The following UBXN7 variants were observed in gnomAD, a reference collection of about 807,000 sequenced individuals.
UBXN7 encodes UBX domain-containing protein 7.
Under a neutral mutation model 58.0 loss-of-function variants are expected in UBXN7, and 9 were observed. The ratio of observed to expected loss-of-function variants is 0.16; its 90% CI spans 0.09 to 0.27. The LOEUF is 0.27. UBXN7 is among the 10% of genes least tolerant of loss of function. The pLI is 1.00. For synonymous variants in UBXN7, 208 were observed against 205.0 expected (o/e 1.01, Z -0.12); for missense variants, 328 against 599.6 (o/e 0.55, Z 4.73).
chr3:196,409,281 C>A (rs1319222053), intron 1 of UBXN7, among the ~76,000 whole-genome samples: 1 of 151,994 alleles, frequency 6.6e-6, no homozygotes, highest in Non-Finnish European at 1.5e-5. Context: ...TTTTGGAGAT[C>A]CTTAATTCCT....
intron 3 of UBXN7, chr3:196,400,678 T>G (rs1360103136): frequency 3.1e-6 from 1 of 320,088 alleles, no homozygotes; most frequent in Non-Finnish European, 6.1e-6. Context: ...AGTTTGAGAC[T>G]GCAGTAAGCA....
intron 2 of UBXN7, among the ~76,000 whole-genome samples, chr3:196,404,822 C>G (rs752945461): frequency 6.6e-6 from 1 of 152,080 alleles, no homozygotes; most frequent in Non-Finnish European, 1.5e-5. Flanking sequence ...ACAGACGACA[C>G]ATCTATAAGA....
rs114075185 is a variant in UBXN7 at position 196,361,984 on chromosome 3, A to C, written c.1229-61T>G. On this transcript the variant is annotated intron_variant, in intron 9 of 10. Coordinates refer to ENST00000296328, the MANE Select transcript of UBXN7 (RefSeq NM_015562.2). ...ATACAGGAGTTTAAGACAGAATATT[A>C]GTTTAAATAAATATGTAAATAAATA... The C allele has an allele frequency of 0.015, 21,675 of 1,437,844 alleles. 1,738 individuals carry two copies. The African/African-American group carries it at 0.21, about 14-fold the overall frequency. 89.1% of individuals were successfully genotyped at this position (1,437,844 alleles called of 1,614,324 possible). A position where few individuals can be genotyped will look rare whatever the true frequency, so the allele number is the denominator to read the frequency against.
intron 5 of UBXN7, among the ~76,000 whole-genome samples, chr3:196,386,601 TC>T (rs1168560772): frequency 6.6e-6 from 1 of 152,022 alleles, no homozygotes; most frequent in Non-Finnish European, 1.5e-5. Context: ...ATGAGTGAAC[TC>T]CCATTCACAA....
intron 2 of UBXN7, among the ~76,000 whole-genome samples, chr3:196,406,191 C>A (rs1166515522): frequency 1.3e-5 from 2 of 152,008 alleles, no homozygotes; most frequent in Non-Finnish European, 2.9e-5. Flanking sequence ...TACCACCACA[C>A]CCGGCTAATT....
intron 1 of UBXN7, among the ~76,000 whole-genome samples, chr3:196,415,923 A>G (rs1285380088): frequency 1.3e-5 from 2 of 152,196 alleles, no homozygotes; most frequent in African/African-American, 2.4e-5. Flanking sequence ...CTGCGTCCCA[A>G]TGAACCCTAA....
At chr3:196,387,369 C>G (rs1729436980) in intron 5 of UBXN7, among the ~76,000 whole-genome samples, 1 of 152,132 alleles carries the variant, frequency 6.6e-6, no homozygotes, top group African/African-American at 2.4e-5. Context: ...ATTCAGGACA[C>G]AGGCATGGGC....
chr3:196,355,809 C>T lies in UBXN7; in HGVS notation c.*876G>A, dbSNP rs1728329913. The T allele has an allele frequency of 6.6e-6, 1 of 152,224 alleles. No homozygotes were observed. The highest frequency in any genetic ancestry group is 2.4e-5 in the African/African-American group (1 of 41,458). 9.4% of individuals were successfully genotyped at this position (152,224 alleles called of 1,614,324 possible). A position where few individuals can be genotyped will look rare whatever the true frequency, so the allele number is the denominator to read the frequency against. On this transcript the variant is annotated 3_prime_UTR_variant, in exon 11 of 11. Coordinates refer to ENST00000296328, the MANE Select transcript of UBXN7 (RefSeq NM_015562.2). Reference sequence around the variant, plus strand: ...TGATTATTGACCAGCTGCCTTCCTACAGATCACTGCAGACTCAGACAATGG... The same window carrying T: ...TGATTATTGACCAGCTGCCTTCCTATAGATCACTGCAGACTCAGACAATGG...
intron 3 of UBXN7, among the ~76,000 whole-genome samples, chr3:196,395,396 A>G (rs925296263): frequency 2.6e-5 from 4 of 152,224 alleles, no homozygotes; most frequent in Non-Finnish European, 5.9e-5. Flanking sequence ...ATGTTAAACA[A>G]TCACACTATC....
At chr3:196,392,363 G>T (rs1278649627) in intron 4 of UBXN7, among the ~76,000 whole-genome samples, 1 of 151,902 alleles carries the variant, frequency 6.6e-6, no homozygotes, top group Non-Finnish European at 1.5e-5. Flanking sequence ...AAAAAAGCCG[G>T]GCATGGTGGA....
At chr3:196,396,089 A>G (rs1729761432) in intron 3 of UBXN7, among the ~76,000 whole-genome samples, 2 of 150,328 alleles carry the variant, frequency 1.3e-5, no homozygotes, top group South Asian at 4.2e-4. Flanking sequence ...TAATTTAAAT[A>G]TTGCACCCTG....
chr3:196,409,528 C>A (rs1730259588), intron 1 of UBXN7, among the ~76,000 whole-genome samples: 1 of 152,030 alleles, frequency 6.6e-6, no homozygotes, highest in African/African-American at 2.4e-5. Context: ...TACATTTCCT[C>A]CTAAGAGGAT....
chr3:196,413,753 T>C (rs550373648), intron 1 of UBXN7, among the ~76,000 whole-genome samples: 1 of 152,298 alleles, frequency 6.6e-6, no homozygotes, highest in South Asian at 2.1e-4. Flanking sequence ...ATCCCTCCAG[T>C]ATCCATGGGG....
At chr3:196,377,965 G>C (rs953045702) in intron 5 of UBXN7, among the ~76,000 whole-genome samples, 7 of 152,152 alleles carry the variant, frequency 4.6e-5, no homozygotes, top group African/African-American at 4.8e-5. Flanking sequence ...ATGAGCCACT[G>C]CATCCAGCTA....
intron 5 of UBXN7, among the ~76,000 whole-genome samples, chr3:196,385,147 C>A (rs528516553): frequency 4.5e-4 from 69 of 152,294 alleles, no homozygotes; most frequent in African/African-American, 1.6e-3. Context: ...GGATTGCAGG[C>A]GCGCGCCACC....
chr3:196,366,464 T>G (rs1210586529), intron 8 of UBXN7, among the ~76,000 whole-genome samples: 3 of 152,022 alleles, frequency 2.0e-5, no homozygotes, highest in Non-Finnish European at 4.4e-5. Flanking sequence ...TAGCAAGTTT[T>G]TTTTTTTTTT....
intron 1 of UBXN7, among the ~76,000 whole-genome samples, chr3:196,416,971 G>A (rs1037859887): frequency 6.6e-6 from 1 of 152,132 alleles, no homozygotes; most frequent in Non-Finnish European, 1.5e-5. Context: ...GCAACTTAGG[G>A]CAGGAAAAGA....
In UBXN7 at chr3:196,391,864, T is replaced by C; in HGVS notation, c.417A>G (p.Ala139=). ...GAIDKKLTTL[A]DLFRPPIDLM... ...AATCAATGGGTGGCCGGAATAGATC[T>C]GCAAGGGTAGTTAATTTCTTATCGA... Residue 139 remains alanine, a synonymous_variant, in exon 5 of 11, where the codon GCA becomes GCG. Transcript: ENST00000296328. The C allele has an allele frequency of 6.2e-7, 1 of 1,613,544 alleles. No homozygotes were observed.
chr3:196,424,441 C>G (rs1448748071), intron 1 of UBXN7, among the ~76,000 whole-genome samples: 1 of 134,830 alleles, frequency 7.4e-6, no homozygotes, highest in Non-Finnish European at 1.5e-5. Context: ...GTCACCCAGG[C>G]TGGAGTATAG....
Sources: gnomAD v4.1 joint callset for allele counts (sites outside exome capture counted in the v4.1 genomes callset) on GRCh38, gnomAD v4.1.1 for gene constraint, MANE v1.5 for transcripts, NCBI Gene and HGNC (gene_info 2026-07-23, HGNC 2026-07-21) for gene names.